Variants in WHRN observed in about 807,000 individuals in gnomAD.
The protein encoded by WHRN is whirlin, also known as CASK-interacting protein CIP98.
A neutral mutation model predicts 68.3 loss-of-function variants in WHRN; 41 were observed. That is an observed-to-expected ratio of 0.60 (90% CI 0.47 to 0.78). The LOEUF is 0.78. Ranked by LOEUF, WHRN falls within the 30% of genes least tolerant of loss-of-function variation. WHRN has a pLI of 0.00. For missense variants in WHRN, 1,243 were observed against 1,244.7 expected, an observed-to-expected ratio of 1.00 and a Z score of 0.02; for synonymous variants, 560 against 561.3, an observed-to-expected ratio of 1.00 and a Z score of 0.03.
Position 114,504,302 on chromosome 9 carries a change from T to A in WHRN, c.500A>T (p.Tyr167Phe), listed in dbSNP as rs763509653. 4.3e-6 allele frequency: 7 copies of A among 1,613,332 alleles called. No homozygotes were observed. The highest frequency in any genetic ancestry group is 2.7e-5 in the African/African-American group (2 of 74,934). Residue 167 changes from tyrosine (Y) to phenylalanine (F), a missense_variant, in exon 1 of 12, where the codon TAC becomes TTC. Physicochemically the swap from Tyr to Phe is conservative, Grantham distance 22. Transcript: ENST00000362057. ...AGAGCCTGGTTCCACCAGAGACACG[T>A]AGATGCCCACGCCGTGCTCCGAGCC... is the stretch of plus-strand genomic sequence containing the variant. ...RGGSEHGVGI[Y>F]VSLVEPGSLA...
chr9:114,424,366 C>T lies in WHRN; in HGVS notation c.1384G>A (p.Ala462Thr). ...GSVSVEALVMALFKLLNTHAK... is the reference protein window; with the variant it reads ...GSVSVEALVMTLFKLLNTHAK... ...TGGGTGTTGAGCAGCTTGAACAGGG[C>T]CATGACGAGGGCCTCCACAGAGACG... Residue 462 changes from alanine (A) to threonine (T), a missense_variant, in exon 6 of 12, where the codon GCC becomes ACC. Coordinates refer to ENST00000362057, the MANE Select transcript of WHRN (RefSeq NM_015404.4). 1 of 1,612,354 alleles carries T rather than the reference C, an allele frequency of 6.2e-7. No individual in the cohort carries two copies. Among genetic ancestry groups the T allele is most frequent in the South Asian group, 1.1e-5 (1 of 91,002 alleles).
At chr9:114,491,693 T>C (rs7036125) in intron 1 of WHRN, 113,701 of 250,084 alleles carry the variant, frequency 0.45, 26,237 homozygotes, top group Middle Eastern at 0.48. Context: ...TTGGAGATCA[T>C]GCAGCAGAAG....
At chr9:114,403,410 C>A in intron 10 of WHRN, 71 bp from the exon 11 acceptor site, 1 of 1,601,956 alleles carries the variant, frequency 6.2e-7, no homozygotes, top group Non-Finnish European at 8.5e-7. Context: ...CTGGGCCGGG[C>A]CGTGACACCA....
chr9:114,457,891 G>A (rs971618631), intron 3 of WHRN, among the ~76,000 whole-genome samples: 9 of 146,474 alleles, frequency 6.1e-5, no homozygotes, highest in Non-Finnish European at 1.3e-4. Context: ...ACTCCAGCCT[G>A]GGCAACAGAG....
rs747995431 is a variant in WHRN at position 114,406,637 on chromosome 9, C to T, written c.1954G>A (p.Ala652Thr). The change falls in exon 9 of 12, where the codon GCC becomes ACC. Residue 652 changes from alanine to threonine, a missense_variant. Physicochemically the swap from Ala to Thr is moderately conservative, Grantham distance 58 (BLOSUM62 0). Coordinates refer to ENST00000362057, the MANE Select transcript of WHRN (RefSeq NM_015404.4). ...AQDLPSSPIYASVSPANPSSK... is the reference protein window; with the variant it reads ...AQDLPSSPIYTSVSPANPSSK... ...CTGGGGTTGGCAGGGGAGACGGAGG[C>T]ATAGATGGGGGAAGAGGGCAAGTCC... 9 of 1,612,484 alleles carry T rather than the reference C, an allele frequency of 5.6e-6. No homozygotes were observed. The East Asian group carries it at 1.1e-4, about 20-fold the overall frequency.
Position 114,402,481 on chromosome 9 carries a change from T to G in WHRN, c.*273A>C. On this transcript the variant is annotated 3_prime_UTR_variant, in exon 12 of 12. Coordinates refer to ENST00000362057, the MANE Select transcript of WHRN (RefSeq NM_015404.4). ...CCTGGAGAAACCAGCACTCTGCCCT[T>G]CCTTTTCCTTTCTTCCTGTCTTGCA... 1.9e-6 allele frequency: 1 copy of G among 513,580 alleles called. No homozygotes were observed. 31.8% of individuals were successfully genotyped at this position (513,580 alleles called of 1,614,324 possible). A position where few individuals can be genotyped will look rare whatever the true frequency, so the allele number is the denominator to read the frequency against.
At chr9:114,403,056 T>C (rs1834784042) in intron 11 of WHRN, 120 bp from the exon 12 acceptor site, 3 of 1,531,104 alleles carry the variant, frequency 2.0e-6, no homozygotes, top group South Asian at 2.3e-5. Flanking sequence ...TGTCCACTTC[T>C]CGGATTAGGA....
intron 4 of WHRN, 112 bp from the exon 5 acceptor site, chr9:114,425,136 A>G (rs1195613844): frequency 1.8e-6 from 2 of 1,111,308 alleles, no homozygotes; most frequent in Admixed American, 1.7e-5. Flanking sequence ...AGAACCATGC[A>G]TCGTGGCCTC....
chr9:114,434,178 G>C (rs1837653136), intron 3 of WHRN, among the ~76,000 whole-genome samples: 1 of 152,160 alleles, frequency 6.6e-6, no homozygotes, highest in Non-Finnish European at 1.5e-5. Context: ...ACCTTGTACA[G>C]TTTAGCTCTA....
chr9:114,408,147 C>G (rs1033859278), intron 7 of WHRN, 129 bp from the exon 8 acceptor site: 1 of 750,608 alleles, frequency 1.3e-6, no homozygotes, highest in Non-Finnish European at 2.4e-6. Context: ...CCCTGACATA[C>G]CTCACTTCAT....
chr9:114,422,902 T>TA (rs1162662401), intron 7 of WHRN, among the ~76,000 whole-genome samples: 5 of 151,990 alleles, frequency 3.3e-5, no homozygotes, highest in African/African-American at 1.2e-4. Context: ...TTGGGGAAAA[T>TA]AAAAATCACA....
chr9:114,458,784 A>G (rs1840013028), intron 3 of WHRN, among the ~76,000 whole-genome samples: 1 of 152,222 alleles, frequency 6.6e-6, no homozygotes, highest in African/African-American at 2.4e-5. Context: ...TGGGAGACAG[A>G]AGGCAGCAAA....
chr9:114,436,721 T>C (rs1254591380), intron 3 of WHRN, among the ~76,000 whole-genome samples: 1 of 151,730 alleles, frequency 6.6e-6, no homozygotes, highest in Admixed American at 6.6e-5. Context: ...CCCAGCTACT[T>C]GGGAGGCTGA....
chr9:114,464,705 A>G (rs1242325292), intron 3 of WHRN, among the ~76,000 whole-genome samples: 1 of 152,142 alleles, frequency 6.6e-6, no homozygotes, highest in Non-Finnish European at 1.5e-5. Flanking sequence ...AATGTTACCT[A>G]TTATTATTAT....
intron 3 of WHRN, among the ~76,000 whole-genome samples, chr9:114,456,773 G>A (rs1342934060): frequency 1.3e-5 from 2 of 151,332 alleles, no homozygotes; most frequent in Non-Finnish European, 2.9e-5. Context: ...AGGTTGCAGC[G>A]AGCCGAGATC....
intron 7 of WHRN, among the ~76,000 whole-genome samples, chr9:114,410,289 C>T (rs112071687): frequency 0.042 from 6,364 of 152,298 alleles, 183 homozygotes; most frequent in Non-Finnish European, 0.063. Flanking sequence ...GAAGGCAGGA[C>T]ATGCAACTAC....
rs1313781486 is a variant in WHRN, at chr9:114,478,488, T to A, written c.837+65A>T. 4.5e-6 allele frequency: 7 copies of A among 1,572,762 alleles called. No homozygotes were observed. The African/African-American group carries it at 9.4e-5, about 21-fold the overall frequency. On this transcript the variant is annotated intron_variant, in intron 2 of 11. Transcript: ENST00000362057. ...TCTTGCGGCCTCCAAGCAGCTCTGCTGTTCTGGGTTCGGAGGGAGAATACG... is the reference window on the plus strand; with the variant it reads ...TCTTGCGGCCTCCAAGCAGCTCTGCAGTTCTGGGTTCGGAGGGAGAATACG...
At chr9:114,466,243 TC>T in intron 3 of WHRN, 23 bp downstream of exon 3, 2 of 1,613,532 alleles carry the variant, frequency 1.2e-6, no homozygotes, top group South Asian at 1.1e-5. Flanking sequence ...CACAGAGTTT[TC>T]CCTCCCTCAG....
chr9:114,413,533 T>C (rs374016743), intron 7 of WHRN, among the ~76,000 whole-genome samples: 2 of 152,268 alleles, frequency 1.3e-5, no homozygotes, highest in African/African-American at 4.8e-5. Flanking sequence ...GTGTCAGTCA[T>C]GCAGGTGGCG....
Sources: gnomAD v4.1 joint callset for allele counts (sites outside exome capture counted in the v4.1 genomes callset) on GRCh38, gnomAD v4.1.1 for gene constraint, MANE v1.5 for transcripts, NCBI Gene and HGNC (gene_info 2026-07-23, HGNC 2026-07-21) for gene names.